Variants in HDAC9 observed in about 807,000 individuals in gnomAD.
HDAC9 encodes histone deacetylase 9.
In HDAC9, 41 loss-of-function variants were observed where a neutral mutation model predicts 139.4. The ratio of observed to expected loss-of-function variants is 0.29; its 90% CI spans 0.23 to 0.38. HDAC9 has a LOEUF of 0.38. Among genes scored for constraint, HDAC9 ranks in the 10% least tolerant of loss-of-function variants. The pLI is 1.00. For missense variants in HDAC9, 1,147 were observed against 1,297.0 expected, an observed-to-expected ratio of 0.88 and a Z score of 1.78; for synonymous variants, 517 against 476.2, an observed-to-expected ratio of 1.09 and a Z score of -1.12.
intron 12 of HDAC9, among the ~76,000 whole-genome samples, chr7:18,678,039 C>G (rs1781635192): frequency 6.6e-6 from 1 of 151,840 alleles, no homozygotes; most frequent in South Asian, 2.1e-4. Flanking sequence ...TTTTCAGCAC[C>G]TCTTTTTTTG....
chr7:18,855,844 T>C (rs1033570112), intron 21 of HDAC9, among the ~76,000 whole-genome samples: 5 of 152,126 alleles, frequency 3.3e-5, no homozygotes, highest in African/African-American at 1.2e-4. Context: ...AAGAGACTTT[T>C]GCAGTAATGG....
intron 2 of HDAC9, among the ~76,000 whole-genome samples, chr7:18,202,090 C>T (rs1241178593): frequency 6.6e-6 from 1 of 152,230 alleles, no homozygotes; most frequent in African/African-American, 2.4e-5. Context: ...CCTCTGCCAG[C>T]ACCCACCATT....
chr7:18,453,775 A>C (rs1793100558), intron 1 of HDAC9, among the ~76,000 whole-genome samples: 1 of 152,196 alleles, frequency 6.6e-6, no homozygotes, highest in South Asian at 2.1e-4. Context: ...TATTTTATGC[A>C]GGTATCTGGA....
intron 1 of HDAC9, among the ~76,000 whole-genome samples, chr7:18,098,909 A>C (rs1487776046): frequency 6.6e-6 from 1 of 152,186 alleles, no homozygotes; most frequent in East Asian, 1.9e-4. Context: ...GTGAGAAGCT[A>C]GTACTGCTTT....
intron 1 of HDAC9, among the ~76,000 whole-genome samples, chr7:18,397,152 C>T (rs1787137961): frequency 6.6e-6 from 1 of 152,058 alleles, no homozygotes; most frequent in African/African-American, 2.4e-5. Context: ...AAATAGAAGG[C>T]ACACAGCTTT....
At chr7:18,128,707 C>T (rs1784823732) in intron 1 of HDAC9, among the ~76,000 whole-genome samples, 1 of 151,588 alleles carries the variant, frequency 6.6e-6, no homozygotes, top group South Asian at 2.1e-4. Context: ...AATTGAATGG[C>T]ATGTTTTACC....
intron 2 of HDAC9, among the ~76,000 whole-genome samples, chr7:18,284,356 C>A (rs1489325415): frequency 6.6e-6 from 1 of 152,136 alleles, no homozygotes; most frequent in Non-Finnish European, 1.5e-5. Flanking sequence ...GGGACTACTT[C>A]TGTTTCACAG....
chr7:18,229,030 G>A (rs1793264943), intron 2 of HDAC9, among the ~76,000 whole-genome samples: 2 of 152,148 alleles, frequency 1.3e-5, no homozygotes, highest in African/African-American at 2.4e-5. Context: ...GAAAAAGAAT[G>A]TGGAATTACA....
intron 1 of HDAC9, among the ~76,000 whole-genome samples, chr7:18,090,696 T>C (rs1241487474): frequency 1.3e-5 from 2 of 152,162 alleles, no homozygotes; most frequent in East Asian, 3.8e-4. Flanking sequence ...CAGCCAGTAG[T>C]GGTCAGAGAT....
intron 24 of HDAC9, among the ~76,000 whole-genome samples, chr7:18,967,495 T>TCC (rs1783940567): frequency 8.6e-6 from 1 of 116,466 alleles, no homozygotes; most frequent in African/African-American, 4.2e-5. Flanking sequence ...TAAATAAAGT[T>TCC]GCCCCCCCCC....
chr7:18,298,208 A>C (rs1432814677), intron 1 of HDAC9, among the ~76,000 whole-genome samples: 1 of 152,120 alleles, frequency 6.6e-6, no homozygotes, highest in African/African-American at 2.4e-5. Context: ...TATTTTCACA[A>C]GTACTTTTCT....
At chr7:18,183,597 A>G (rs1396858386) in intron 2 of HDAC9, among the ~76,000 whole-genome samples, 1 of 152,210 alleles carries the variant, frequency 6.6e-6, no homozygotes, top group Non-Finnish European at 1.5e-5. Flanking sequence ...GCATAAGAAG[A>G]TTGGCAGAAC....
At chr7:18,462,612 T>C (rs1793944498) in intron 1 of HDAC9, among the ~76,000 whole-genome samples, 1 of 152,086 alleles carries the variant, frequency 6.6e-6, no homozygotes, top group Non-Finnish European at 1.5e-5. Flanking sequence ...TTTTATGCTG[T>C]ATAAAATATC....
Position 18,874,496 on chromosome 7 carries a change from G to A in HDAC9, c.2703G>A (p.Val901=), listed in dbSNP as rs1349146024. The change falls in exon 22 of 26, where the codon GTG becomes GTA. Residue 901 remains valine, a synonymous_variant. Transcript: ENST00000686413. ...TGTGCAGGACCATCGTGAAGCCTGT[G>A]GCCAAAGAGTTTGATCCAGACATGG... ...LEAFRTIVKP[V]AKEFDPDMVL... is the part of the protein sequence containing the mutation. The A allele has an allele frequency of 1.9e-6, 3 of 1,587,662 alleles. No individual in the cohort carries two copies. Among genetic ancestry groups the A allele is most frequent in the South Asian group, 2.3e-5 (2 of 87,096 alleles).
chr7:18,547,088 T>C (rs1330228257), intron 2 of HDAC9, among the ~76,000 whole-genome samples: 1 of 152,250 alleles, frequency 6.6e-6, no homozygotes, highest in Non-Finnish European at 1.5e-5. Flanking sequence ...ATACATACTT[T>C]AATTAAAAAT....
chr7:18,264,000 A>T (rs4721705), intron 2 of HDAC9, among the ~76,000 whole-genome samples: 46,904 of 152,068 alleles, frequency 0.31, 8,074 homozygotes, highest in African/African-American at 0.45. Flanking sequence ...GGCTCAAACC[A>T]TGAAGAAGAC....
intron 12 of HDAC9, among the ~76,000 whole-genome samples, chr7:18,679,523 TCTTTCTTC>T (rs200030159): frequency 0.013 from 2,033 of 151,478 alleles, 17 homozygotes; most frequent in Non-Finnish European, 0.019. Flanking sequence ...TTCCTTTCTT[TCTTTCTTC>T]CTTTCTTCCT....
At chr7:18,784,425 A>G (rs1248169281) in intron 16 of HDAC9, among the ~76,000 whole-genome samples, 1 of 151,804 alleles carries the variant, frequency 6.6e-6, no homozygotes, top group Non-Finnish European at 1.5e-5. Context: ...TTTATTCCTG[A>G]TTCAAATCCG....
chr7:18,314,347 T>C (rs540801224), intron 1 of HDAC9, among the ~76,000 whole-genome samples: 26 of 152,304 alleles, frequency 1.7e-4, no homozygotes, highest in Admixed American at 1.6e-3. Flanking sequence ...GGATGGTGTT[T>C]CTTTCAGGCT....
Sources: gnomAD v4.1 joint callset for allele counts (sites outside exome capture counted in the v4.1 genomes callset) on GRCh38, gnomAD v4.1.1 for gene constraint, MANE v1.5 for transcripts, NCBI Gene and HGNC (gene_info 2026-07-23, HGNC 2026-07-21) for gene names.